Variants in F13A1 observed in about 807,000 individuals in gnomAD.
F13A1 encodes the protein FSF, A subunit.
F13A1 carries 47 observed loss-of-function variants against 80.1 expected under a neutral mutation model. That is an observed-to-expected ratio of 0.59 (90% CI 0.46 to 0.75). The LOEUF is 0.75. Ranked by LOEUF, F13A1 falls within the 30% of genes least tolerant of loss-of-function variation. F13A1 has a pLI of 0.00. For missense variants in F13A1, 817 were observed against 930.4 expected (o/e 0.88, Z 1.59); for synonymous variants, 349 against 344.9 (o/e 1.01, Z -0.13).
intron 6 of F13A1, among the ~76,000 whole-genome samples, chr6:6,239,164 T>C (rs1757453155): frequency 6.6e-6 from 1 of 152,150 alleles, no homozygotes; most frequent in South Asian, 2.1e-4. Flanking sequence ...AAATACTTCT[T>C]AGTAATGGTA....
chr6:6,283,331 A>G (rs992948169), intron 3 of F13A1, among the ~76,000 whole-genome samples: 1 of 152,248 alleles, frequency 6.6e-6, no homozygotes, highest in African/African-American at 2.4e-5. Flanking sequence ...ATCCTGGACT[A>G]GCTTCTGTTG....
chr6:6,316,037 C>G (rs1332374774), intron 2 of F13A1, among the ~76,000 whole-genome samples: 1 of 119,608 alleles, frequency 8.4e-6, no homozygotes, highest in Admixed American at 9.1e-5. Flanking sequence ...AGGAGATAGA[C>G]CTCCTTGTTC....
intron 14 of F13A1, among the ~76,000 whole-genome samples, chr6:6,150,011 T>C (rs151046276): frequency 6.6e-6 from 1 of 152,098 alleles, no homozygotes; most frequent in East Asian, 1.9e-4. Flanking sequence ...CACTGTGTAA[T>C]AATTCACTGT....
rs1369273098 is a variant in F13A1, at chr6:6,316,115, A to G, written c.130+2420T>C. Among the ~76,000 whole-genome samples, 58 of 56,414 alleles carry G rather than the reference A, an allele frequency of 1.0e-3. 3 individuals carry two copies. Among genetic ancestry groups the G allele is most frequent in the South Asian group, 7.1e-3 (13 of 1,822 alleles). The allele number at this position is 56,414 out of a possible 152,430, so 37.0% of individuals were successfully genotyped here. A position where few individuals can be genotyped will look rare whatever the true frequency, so the allele number is the denominator to read the frequency against. Reference sequence around the variant, plus strand: ...TATATATATATATATATATATATATATATATATATATATATATATATATAT... The same window carrying G: ...TATATATATATATATATATATATATGTATATATATATATATATATATATAT... On this transcript the variant is annotated intron_variant, in intron 2 of 14. Transcript: ENST00000264870.
chr6:6,179,227 A>C (rs1200837918), intron 11 of F13A1, among the ~76,000 whole-genome samples: 1 of 152,224 alleles, frequency 6.6e-6, no homozygotes, highest in East Asian at 1.9e-4. Context: ...CAAAGAAGAT[A>C]TATTGCCACA....
At chr6:6,182,304 T>C (rs1761002732) in intron 10 of F13A1, among the ~76,000 whole-genome samples, 163 bp from the exon 11 acceptor site, 1 of 152,222 alleles carries the variant, frequency 6.6e-6, no homozygotes, top group African/African-American at 2.4e-5. Context: ...TTTGAAAATA[T>C]TCTAAAGGCG....
chr6:6,318,622 C>T lies in F13A1; in HGVS notation c.43G>A (p.Val15Ile), dbSNP rs367893759. The change falls in exon 2 of 15, where the codon GTT (valine) becomes ATT (isoleucine). Residue 15 changes from valine to isoleucine, a missense_variant. Coordinates refer to ENST00000264870, the MANE Select transcript of F13A1 (RefSeq NM_000129.4). ...SRTAFGGRRA[V>I]PPNNSNAAED... Reference sequence around the variant, plus strand: ...GCTGCATTAGAGTTATTGGGTGGAACTGCTCTTCTGCCTCCAAAGGCGGTC... The same window carrying T: ...GCTGCATTAGAGTTATTGGGTGGAATTGCTCTTCTGCCTCCAAAGGCGGTC... The T allele has an allele frequency of 1.9e-6, 3 of 1,612,704 alleles. No homozygotes were observed. The African/African-American group carries it at 4.0e-5, about 22-fold the overall frequency.
chr6:6,177,594 A>G (rs1760903877), intron 11 of F13A1, among the ~76,000 whole-genome samples: 2 of 152,216 alleles, frequency 1.3e-5, no homozygotes, highest in African/African-American at 4.8e-5. Context: ...AGGACATTTT[A>G]TGTTCAACTA....
At chr6:6,272,073 A>G (rs999867955) in intron 3 of F13A1, among the ~76,000 whole-genome samples, 2 of 152,232 alleles carry the variant, frequency 1.3e-5, no homozygotes, top group Admixed American at 6.5e-5. Context: ...ATTCAGTGCT[A>G]TGTGACCCTG....
intron 6 of F13A1, among the ~76,000 whole-genome samples, chr6:6,236,659 T>C (rs1312492855): frequency 6.6e-6 from 1 of 152,190 alleles, no homozygotes; most frequent in African/African-American, 2.4e-5. Context: ...GACTTTTCTC[T>C]GTTATAAACC....
chr6:6,158,753 A>G (rs1427935993), intron 13 of F13A1, among the ~76,000 whole-genome samples: 1 of 135,724 alleles, frequency 7.4e-6, no homozygotes, highest in African/African-American at 2.8e-5. Flanking sequence ...ATTAGAACAC[A>G]TAGTCTGTTC....
chr6:6,318,593 T>C lies in F13A1; in HGVS notation c.72A>G (p.Glu24=). ...GAAGCTCCACTGTGGGCAGGTCATC[T>C]TCCGCTGCATTAGAGTTATTGGGTG... is the stretch of plus-strand genomic sequence containing the variant. ...AVPPNNSNAA[E]DDLPTVELQG... is the part of the protein sequence containing the mutation. The change falls in exon 2 of 15, where the codon GAA becomes GAG. Residue 24 remains glutamate, a synonymous_variant. Coordinates refer to ENST00000264870, the MANE Select transcript of F13A1 (RefSeq NM_000129.4). 2 of 1,614,084 alleles carry C rather than the reference T, an allele frequency of 1.2e-6. No individual in the cohort carries two copies. The highest frequency in any genetic ancestry group is 8.5e-7 in the Non-Finnish European group (1 of 1,180,004).
chr6:6,269,189 G>C (rs116032811), intron 3 of F13A1, among the ~76,000 whole-genome samples: 1 of 151,388 alleles, frequency 6.6e-6, no homozygotes, highest in Non-Finnish European at 1.5e-5. Context: ...GTGTGATCTC[G>C]GGCAAAGCAC....
intron 13 of F13A1, among the ~76,000 whole-genome samples, chr6:6,164,668 C>G (rs1274748160): frequency 4.7e-5 from 7 of 149,664 alleles, no homozygotes; most frequent in Non-Finnish European, 8.9e-5. Flanking sequence ...CATTCTCGCT[C>G]CTTTTTCCCT....
intron 3 of F13A1, among the ~76,000 whole-genome samples, chr6:6,279,335 G>T (rs1485945462): frequency 2.1e-4 from 32 of 152,184 alleles, no homozygotes; most frequent in Admixed American, 2.1e-3. Flanking sequence ...GAAATAGGAT[G>T]TTGGTGTCAC....
chr6:6,224,588 A>G, intron 7 of F13A1, 98 bp downstream of exon 7: 1 of 1,171,850 alleles, frequency 8.5e-7, no homozygotes, highest in Non-Finnish European at 1.3e-6. Flanking sequence ...CTATAGTGTC[A>G]ACAGGGGCTG....
At chr6:6,241,202 A>ACTCAAGTCCATGATGGAAC (rs1757479839) in intron 6 of F13A1, among the ~76,000 whole-genome samples, 1 of 152,152 alleles carries the variant, frequency 6.6e-6, no homozygotes, top group African/African-American at 2.4e-5. Flanking sequence ...CTGGATGGAG[A>ACTCAAGTCCATGATGGAAC]CTCAAGTCCA....
In F13A1 at chr6:6,266,320, C is replaced by T. The variant is rs3024360; in HGVS notation, c.571+238G>A. Among the ~76,000 whole-genome samples the T allele has an allele frequency of 0.097, 14,825 of 152,242 alleles. 921 individuals are homozygous for T. Among genetic ancestry groups the T allele is most frequent in the Non-Finnish European group, 0.14 (9,721 of 68,018 alleles). ...AATCATTGCTCACTGTAACCTCCAA[C>T]TCCCGAACTCAAGCAATTCTCCCAC... is the stretch of plus-strand genomic sequence containing the variant. On this transcript the variant is annotated intron_variant, in intron 4 of 14. Transcript: ENST00000264870.
chr6:6,177,477 A>T (rs940685222), intron 11 of F13A1, among the ~76,000 whole-genome samples: 3 of 152,200 alleles, frequency 2.0e-5, no homozygotes, highest in Admixed American at 2.0e-4. Flanking sequence ...CTGCATCCCC[A>T]GGCCCTGAAA....
Sources: gnomAD v4.1 joint callset for allele counts (sites outside exome capture counted in the v4.1 genomes callset) on GRCh38, gnomAD v4.1.1 for gene constraint, MANE v1.5 for transcripts, NCBI Gene and HGNC (gene_info 2026-07-23, HGNC 2026-07-21) for gene names.